Variants in CEP152 observed in about 807,000 individuals in gnomAD.
The protein encoded by CEP152 is centrosomal protein of 152 kDa.
Under a neutral mutation model 188.9 loss-of-function variants are expected in CEP152, and 132 were observed. The ratio of observed to expected loss-of-function variants is 0.70; its 90% CI spans 0.61 to 0.81. The LOEUF (loss-of-function observed/expected upper bound fraction) is 0.81, where lower values mean the gene tolerates loss of function less well. Ranked by LOEUF, CEP152 falls within the 30% of genes least tolerant of loss-of-function variation. CEP152 has a pLI of 0.00. For synonymous variants in CEP152, 649 were observed against 666.6 expected (o/e 0.97, Z 0.41); for missense variants, 1,914 against 1,969.8 (o/e 0.97, Z 0.54).
chr15:48,781,679 G>C (rs922017978), intron 11 of CEP152, among the ~76,000 whole-genome samples: 3 of 152,152 alleles, frequency 2.0e-5, no homozygotes, highest in African/African-American at 7.2e-5. Flanking sequence ...TAGAGTACAG[G>C]ACAAAGTACG....
intron 1 of CEP152, among the ~76,000 whole-genome samples, chr15:48,809,719 C>A (rs1224403226): frequency 6.6e-6 from 1 of 152,142 alleles, no homozygotes; most frequent in Non-Finnish European, 1.5e-5. Context: ...TCACAAGATA[C>A]TACATGTAAA....
At chr15:48,779,325 A>T (rs1295099411) in intron 12 of CEP152, among the ~76,000 whole-genome samples, 1 of 152,198 alleles carries the variant, frequency 6.6e-6, no homozygotes, top group Non-Finnish European at 1.5e-5. Context: ...TACTAAGCAA[A>T]GGAGTTCACT....
rs749636820 is a variant in CEP152 at position 48,788,908 on chromosome 15, T to C, written c.1066A>G (p.Arg356Gly). Residue 356 changes from arginine to glycine, a missense_variant, in exon 9 of 27, where the codon AGA becomes GGA. Coordinates refer to ENST00000380950, the MANE Select transcript of CEP152 (RefSeq NM_001194998.2). ...LHHSESLQRA[R>G]EQHESIVMGL... ...ATAACAATGCTCTCATGCTGTTCTC[T>C]AGCTCGTTGAAGTGATTCAGAATGA... The C allele has an allele frequency of 3.1e-6, 5 of 1,614,172 alleles. No homozygotes were observed. Among genetic ancestry groups the C allele is most frequent in the Middle Eastern group, 3.3e-4 (2 of 6,062 alleles).
chr15:48,783,070 T>C (rs1037904101), intron 10 of CEP152: 7 of 152,204 alleles, frequency 4.6e-5, no homozygotes, highest in African/African-American at 1.7e-4. Context: ...CAGTCTAAAT[T>C]ACCTTTCATA....
chr15:48,736,749 A>G (rs1892618626), downstream of CEP152, among the ~76,000 whole-genome samples: 1 of 152,240 alleles, frequency 6.6e-6, no homozygotes, highest in South Asian at 2.1e-4. Flanking sequence ...GCAGAAAGCA[A>G]GAGAACTTCC....
chr15:48,808,019 A>G (rs948853110), intron 1 of CEP152, among the ~76,000 whole-genome samples: 5 of 152,162 alleles, frequency 3.3e-5, no homozygotes, highest in Non-Finnish European at 7.4e-5. Flanking sequence ...CCCCCACTGA[A>G]GAAGGTATAA....
At chr15:48,755,654 T>C (rs972372299) in intron 20 of CEP152, among the ~76,000 whole-genome samples, 3 of 152,150 alleles carry the variant, frequency 2.0e-5, no homozygotes, top group African/African-American at 7.2e-5. Flanking sequence ...GTCCTAAATA[T>C]TCTTTAGGAA....
intron 2 of CEP152, among the ~76,000 whole-genome samples, chr15:48,803,888 C>G (rs966362400): frequency 6.6e-5 from 10 of 152,146 alleles, no homozygotes; most frequent in African/African-American, 2.2e-4. Flanking sequence ...GTGGCTAAAC[C>G]CCAGCCAACT....
intron 21 of CEP152, among the ~76,000 whole-genome samples, chr15:48,751,327 T>C (rs1026848501): frequency 6.6e-6 from 1 of 152,184 alleles, no homozygotes; most frequent in Non-Finnish European, 1.5e-5. Context: ...CAGATTAAGA[T>C]AGAATTCTCA....
At chr15:48,765,240 G>C (rs1322642315) in intron 17 of CEP152, among the ~76,000 whole-genome samples, 1 of 152,150 alleles carries the variant, frequency 6.6e-6, no homozygotes, top group Non-Finnish European at 1.5e-5. Flanking sequence ...GATAGCAAAA[G>C]GGAGCGTTTT....
rs1364323211 is a variant in CEP152 at position 48,738,529 on chromosome 15, G to A, written c.4853C>T (p.Ser1618Leu). The part of the protein sequence containing the change: ...SKQFSPSGYL[S>L]DTEESNMICQ... Reference sequence around the variant, plus strand: ...AATCATATTACTTTCCTCTGTATCTGAAAGATAACCGGATGGTGAAAACTG... The same window carrying A: ...AATCATATTACTTTCCTCTGTATCTAAAAGATAACCGGATGGTGAAAACTG... Residue 1618 changes from serine (S) to leucine (L), a missense_variant, in exon 27 of 27, where the codon TCA becomes TTA. Ser to Leu is a moderately radical substitution (Grantham distance 145). Transcript: ENST00000380950. The A allele has an allele frequency of 6.2e-7, 1 of 1,614,190 alleles. No homozygotes were observed. The highest frequency in any genetic ancestry group is 8.5e-7 in the Non-Finnish European group (1 of 1,180,020).
intron 17 of CEP152, chr15:48,765,667 T>TTTTTTTTG (rs1566996429): frequency 5.0e-6 from 2 of 396,112 alleles, no homozygotes; most frequent in African/African-American, 5.0e-5. Context: ...TTTTTTTTTT[T>TTTTTTTTG]TTGAGAGACG....
chr15:48,804,424 G>A (rs1231032497), intron 2 of CEP152, among the ~76,000 whole-genome samples: 1 of 152,134 alleles, frequency 6.6e-6, no homozygotes, highest in African/African-American at 2.4e-5. Context: ...TAATACTCAT[G>A]GTCCACAATA....
intron 2 of CEP152, among the ~76,000 whole-genome samples, chr15:48,802,312 A>C (rs1371328547): frequency 6.6e-6 from 1 of 152,216 alleles, no homozygotes; most frequent in Non-Finnish European, 1.5e-5. Context: ...GCAGCTCTCA[A>C]GTGGTACAAT....
intron 2 of CEP152, among the ~76,000 whole-genome samples, chr15:48,804,358 A>C (rs966916859): frequency 4.6e-5 from 7 of 152,238 alleles, no homozygotes; most frequent in African/African-American, 1.4e-4. Context: ...CACTGCCTTA[A>C]TTCTACCACC....
chr15:48,751,783 A>G (rs1893892253), intron 21 of CEP152, among the ~76,000 whole-genome samples: 1 of 152,172 alleles, frequency 6.6e-6, no homozygotes. Context: ...TATACTCCTC[A>G]GTAAGCTCTG....
Position 48,760,171 on chromosome 15 carries a change from C to G in CEP152, c.2658G>C (p.Lys886Asn), listed in dbSNP as rs1566990861. The G allele has an allele frequency of 1.9e-6, 3 of 1,614,092 alleles. No individual in the cohort carries two copies. Among genetic ancestry groups the G allele is most frequent in the Admixed American group, 1.7e-5 (1 of 60,024 alleles). ...CAGAGACCTCATGCTGTTCTTCCCA[C>G]TTTTTCTGTTCTGCCTTCACAAGTG... is the stretch of plus-strand genomic sequence containing the variant. ...YQALVKAEQK[K>N]WEEQHEVSVN... The change falls in exon 19 of 27, where the codon AAG (lysine) becomes AAC (asparagine). Residue 886 changes from lysine to asparagine, a missense_variant. Transcript: ENST00000380950.
Position 48,789,180 on chromosome 15 carries a change from C to T in CEP152, c.973-179G>A, listed in dbSNP as rs1021935406. 4 of 628,748 alleles carry T rather than the reference C, an allele frequency of 6.4e-6. No individual in the cohort carries two copies. In the Admixed American group the frequency reaches 8.4e-5, roughly 13 times the overall value. The allele number at this position is 628,748 out of a possible 1,614,324, so 38.9% of individuals were successfully genotyped here. On this transcript the variant is annotated intron_variant, in intron 8 of 26. Transcript: ENST00000380950. ...CCTTAAAACAACCCTAGCTGGGACC[C>T]TCCAGGCCCATAGTTGTTGGAAACA...
downstream of CEP152, among the ~76,000 whole-genome samples, chr15:48,733,311 T>C (rs369508451): frequency 5.9e-5 from 9 of 152,096 alleles, no homozygotes; most frequent in African/African-American, 1.4e-4. Flanking sequence ...AATATGTCTA[T>C]CCCCAAAATA....
Sources: allele counts gnomAD v4.1 joint callset (sites outside exome capture counted in the v4.1 genomes callset), GRCh38; gene constraint gnomAD v4.1.1; transcripts MANE v1.5; gene names NCBI Gene and HGNC (gene_info 2026-07-23, HGNC 2026-07-21).